Variants in PTPRG observed in about 807,000 individuals in gnomAD.
PTPRG encodes the protein protein tyrosine phosphatase receptor type G.
PTPRG carries 102 observed loss-of-function variants against 165.3 expected under a neutral mutation model. The ratio of observed to expected loss-of-function variants is 0.62; its 90% CI spans 0.53 to 0.73. The LOEUF (loss-of-function observed/expected upper bound fraction) is 0.73. Among genes scored for constraint, PTPRG ranks in the 30% least tolerant of loss-of-function variants. The pLI is 0.00. For missense variants in PTPRG, 1,866 were observed against 1,861.4 expected (o/e 1.00, Z -0.05); for synonymous variants, 675 against 669.5 (o/e 1.01, Z -0.13).
chr3:61,608,528 C>T (rs1037139460), intron 1 of PTPRG, among the ~76,000 whole-genome samples: 7 of 152,164 alleles, frequency 4.6e-5, no homozygotes, highest in African/African-American at 1.7e-4. Context: ...CTGCATGTGG[C>T]AGCCATCCTG....
intron 1 of PTPRG, among the ~76,000 whole-genome samples, chr3:61,680,650 AAAG>A (rs1703405554): frequency 6.6e-6 from 1 of 151,904 alleles, no homozygotes; most frequent in Non-Finnish European, 1.5e-5. Flanking sequence ...GGGAAAAAAA[AAAG>A]AGGGCATGGA....
chr3:62,033,602 C>G (rs1009598558), intron 4 of PTPRG, among the ~76,000 whole-genome samples: 1 of 145,952 alleles, frequency 6.9e-6, no homozygotes, highest in African/African-American at 2.5e-5. Flanking sequence ...TAGGCTCAAG[C>G]AATCCTCCTG....
chr3:61,629,476 A>G (rs931914996), intron 1 of PTPRG, among the ~76,000 whole-genome samples: 1 of 152,170 alleles, frequency 6.6e-6, no homozygotes. Context: ...TTATACCTCA[A>G]ATGTTTTCTG....
chr3:62,269,017 A>G lies in PTPRG; in HGVS notation c.2875-18A>G, dbSNP rs201557617. 3.9e-6 allele frequency: 6 copies of G among 1,538,156 alleles called. No individual in the cohort carries two copies. Among genetic ancestry groups the G allele is most frequent in the Non-Finnish European group, 5.3e-6 (6 of 1,132,500 alleles). ...GCATAGATTGCAGTTATACTTTACAACTTTTTTCTTTCTGCAGCGAAAATG... is the reference window on the plus strand; with the variant it reads ...GCATAGATTGCAGTTATACTTTACAGCTTTTTTCTTTCTGCAGCGAAAATG... On this transcript the variant is annotated intron_variant, in intron 19 of 29. Transcript: ENST00000474889.
chr3:61,767,555 T>A (rs940916210), intron 2 of PTPRG, among the ~76,000 whole-genome samples: 1 of 152,234 alleles, frequency 6.6e-6, no homozygotes, highest in Non-Finnish European at 1.5e-5. Flanking sequence ...TTTAGATGTC[T>A]TAAGTTGTTT....
In PTPRG at chr3:62,229,370, C is replaced by T. The variant is rs538836508; in HGVS notation, c.2289-1855C>T. ...CTACTCAGGGGCCTTTCAGAATTCA[C>T]GAGAGCTGTCAGTTGTTATAGTAAC... is the stretch of plus-strand genomic sequence containing the variant. On this transcript the variant is annotated intron_variant, in intron 13 of 29. Coordinates refer to ENST00000474889, the MANE Select transcript of PTPRG (RefSeq NM_002841.4). The surrounding 1 kb of genome is among the most constrained non-coding windows in gnomAD (Gnocchi z 4.6). Among the ~76,000 whole-genome samples, 91 of 152,298 alleles carry T rather than the reference C, an allele frequency of 6.0e-4. No homozygotes were observed. Among genetic ancestry groups the T allele is most frequent in the African/African-American group, 1.9e-3 (81 of 41,560 alleles).
chr3:62,147,989 C>CA (rs1244728407), intron 6 of PTPRG, among the ~76,000 whole-genome samples: 3 of 152,010 alleles, frequency 2.0e-5, no homozygotes, highest in East Asian at 3.9e-4. Flanking sequence ...ACTAAAAATA[C>CA]AAAAAAATTA....
chr3:62,215,833 G>A (rs1159760775), intron 12 of PTPRG, among the ~76,000 whole-genome samples: 1 of 151,978 alleles, frequency 6.6e-6, no homozygotes, highest in Non-Finnish European at 1.5e-5. Flanking sequence ...ACGATATAAT[G>A]TGCCACTGAT....
intron 2 of PTPRG, among the ~76,000 whole-genome samples, chr3:61,802,195 C>T (rs901614094): frequency 6.6e-6 from 1 of 151,938 alleles, no homozygotes. Flanking sequence ...CAGTAATATA[C>T]AAAAGTAGGA....
At chr3:61,754,340 C>T (rs1458928096) in intron 2 of PTPRG, among the ~76,000 whole-genome samples, 2 of 152,138 alleles carry the variant, frequency 1.3e-5, no homozygotes, top group African/African-American at 4.8e-5. Flanking sequence ...ACTTTTTGGC[C>T]TCCACCCTGG....
chr3:61,762,957 A>T (rs373987583), intron 2 of PTPRG, among the ~76,000 whole-genome samples: 1 of 152,108 alleles, frequency 6.6e-6, no homozygotes, highest in Non-Finnish European at 1.5e-5. Context: ...CTAGATGTCA[A>T]ATACTGAGTA....
chr3:62,231,157 C>T (rs1309503110), intron 13 of PTPRG, 68 bp from the exon 14 acceptor site: 3 of 1,238,450 alleles, frequency 2.4e-6, no homozygotes, highest in Admixed American at 2.8e-5. Flanking sequence ...CATTTGTATG[C>T]AACTCTTGGT....
chr3:62,121,143 C>T (rs1376885868), intron 5 of PTPRG, among the ~76,000 whole-genome samples: 6 of 148,510 alleles, frequency 4.0e-5, no homozygotes, highest in South Asian at 2.1e-4. Flanking sequence ...TTAGTAAAGA[C>T]GGGGTTTCAC....
rs745849369 is a variant in PTPRG, at chr3:62,190,235, G to A, written c.1034-1234G>A. Among the ~76,000 whole-genome samples the A allele has an allele frequency of 6.6e-6, 1 of 152,170 alleles. No individual in the cohort carries two copies. The highest frequency in any genetic ancestry group is 1.5e-5 in the Non-Finnish European group (1 of 68,032). On this transcript the variant is annotated intron_variant, in intron 8 of 29. Coordinates refer to ENST00000474889, the MANE Select transcript of PTPRG (RefSeq NM_002841.4). The surrounding 1 kb of genome is among the most constrained non-coding windows in gnomAD (Gnocchi z 5.2). ...GTTGAGGACGGGGAGCAGAGCTACT[G>A]GCATCTAGCAGATGGAGGCCAGGGA...
At position 61,735,909 on chromosome 3, in the gene PTPRG, A is replaced by ATTT. The variant is rs11422490; in HGVS notation, c.86-12956_86-12954dup. Among the ~76,000 whole-genome samples, 1,144 of 145,040 alleles carry ATTT rather than the reference A, an allele frequency of 7.9e-3. 23 individuals carry two copies. The highest frequency in any genetic ancestry group is 0.027 in the African/African-American group (1,064 of 39,378). ...TGCTCACATCCATGTTAAAACAATG[A>ATTT]TTTTTTTTTTTTTTTGGAGACAGCA... On this transcript the variant is annotated intron_variant, in intron 1 of 29. Coordinates refer to ENST00000474889, the MANE Select transcript of PTPRG (RefSeq NM_002841.4).
intron 1 of PTPRG, among the ~76,000 whole-genome samples, chr3:61,680,578 A>G (rs2107115447): frequency 7.5e-6 from 1 of 133,944 alleles, no homozygotes; most frequent in East Asian, 2.2e-4. Context: ...CTACTTTTGA[A>G]TGAAGTTTTT....
intron 5 of PTPRG, among the ~76,000 whole-genome samples, chr3:62,105,361 T>C (rs1479847269): frequency 6.6e-6 from 1 of 152,212 alleles, no homozygotes; most frequent in African/African-American, 2.4e-5. Flanking sequence ...ACATGATTTC[T>C]TTTCCAGCAA....
intron 1 of PTPRG, among the ~76,000 whole-genome samples, chr3:61,641,210 C>T (rs943852066): frequency 4.6e-5 from 7 of 152,158 alleles, no homozygotes; most frequent in African/African-American, 1.4e-4. Flanking sequence ...CTCCTCCTCT[C>T]TCCAGATTTC....
At chr3:61,699,008 C>T (rs2030780011) in intron 1 of PTPRG, among the ~76,000 whole-genome samples, 1 of 151,682 alleles carries the variant, frequency 6.6e-6, no homozygotes, top group Non-Finnish European at 1.5e-5. Flanking sequence ...CATCACACAC[C>T]AGGGACTGCT....
Sources: allele counts gnomAD v4.1 joint callset (sites outside exome capture counted in the v4.1 genomes callset), GRCh38; gene constraint gnomAD v4.1.1; non-coding constraint Gnocchi (gnomAD v3.1); transcripts MANE v1.5; gene names NCBI Gene and HGNC (gene_info 2026-07-23, HGNC 2026-07-21).